GRID2: variants seen among roughly 807,000 people sequenced by gnomAD.
The protein encoded by GRID2 is glutamate receptor ionotropic, delta-2.
In GRID2, 33 loss-of-function variants were observed where a neutral mutation model predicts 114.8. That is an observed-to-expected ratio of 0.29 (90% CI 0.22 to 0.38). The LOEUF is 0.38. Ranked by LOEUF, GRID2 falls within the 10% of genes least tolerant of loss-of-function variation. The probability of loss-of-function intolerance (pLI) is 1.00; values close to 1 mark genes in which losing one functional copy is unlikely to be tolerated. For missense variants in GRID2, 1,184 were observed against 1,257.7 expected (o/e 0.94, Z 0.89); for synonymous variants, 505 against 449.9 (o/e 1.12, Z -1.55).
At chr4:93,591,899 G>T (rs1738373907) in intron 13 of GRID2, among the ~76,000 whole-genome samples, 1 of 152,072 alleles carries the variant, frequency 6.6e-6, no homozygotes, top group South Asian at 2.1e-4. Context: ...GATCGGTGGT[G>T]ATATCCCCTT....
chr4:92,347,542 G>A (rs1414532375), intron 1 of GRID2, among the ~76,000 whole-genome samples: 1 of 152,152 alleles, frequency 6.6e-6, no homozygotes, highest in African/African-American at 2.4e-5. Context: ...TAGGTTGACA[G>A]AACCATTAAT....
chr4:93,738,833 A>G (rs1578703549), intron 14 of GRID2, among the ~76,000 whole-genome samples: 1 of 152,264 alleles, frequency 6.6e-6, no homozygotes, highest in Admixed American at 6.5e-5. Context: ...TTATTTAGAA[A>G]GAGAGTAGAA....
At chr4:92,847,085 C>CT (rs1743380715) in intron 2 of GRID2, among the ~76,000 whole-genome samples, 2 of 152,016 alleles carry the variant, frequency 1.3e-5, no homozygotes, top group Non-Finnish European at 2.9e-5. Flanking sequence ...CAAGTCAATC[C>CT]ATGGCCATTT....
intron 1 of GRID2, among the ~76,000 whole-genome samples, chr4:92,469,648 C>T (rs1462225471): frequency 2.6e-5 from 4 of 151,044 alleles, no homozygotes; most frequent in East Asian, 1.9e-4. Context: ...TAACCGATAT[C>T]GGATCAAAAA....
At chr4:93,393,267 A>G (rs1765020791) in intron 8 of GRID2, among the ~76,000 whole-genome samples, 4 of 151,916 alleles carry the variant, frequency 2.6e-5, no homozygotes, top group Non-Finnish European at 4.4e-5. Context: ...AATGGAACTT[A>G]CCAATCCTAA....
chr4:92,451,234 A>G (rs1430876418), intron 1 of GRID2, among the ~76,000 whole-genome samples: 1 of 152,136 alleles, frequency 6.6e-6, no homozygotes, highest in African/African-American at 2.4e-5. Context: ...ATAATTGGAG[A>G]ATACGTGTTT....
chr4:93,726,201 A>G (rs1341650008), intron 14 of GRID2, among the ~76,000 whole-genome samples: 1 of 152,214 alleles, frequency 6.6e-6, no homozygotes, highest in East Asian at 1.9e-4. Context: ...CTTTCTACAT[A>G]TGGCTAGCCA....
At chr4:93,031,949 CT>C (rs1265585718) in intron 2 of GRID2, among the ~76,000 whole-genome samples, 1 of 152,072 alleles carries the variant, frequency 6.6e-6, no homozygotes. Context: ...GTATCTCAAT[CT>C]AGCCATACTT....
At chr4:92,698,107 TAAC>T (rs1734506023) in intron 2 of GRID2, among the ~76,000 whole-genome samples, 1 of 152,138 alleles carries the variant, frequency 6.6e-6, no homozygotes, top group East Asian at 1.9e-4. Flanking sequence ...ACGACAGAGA[TAAC>T]AACTGTGTGA....
At chr4:92,375,162 GTTGT>G (rs991070819) in intron 1 of GRID2, among the ~76,000 whole-genome samples, 17 of 152,138 alleles carry the variant, frequency 1.1e-4, no homozygotes, top group Admixed American at 2.0e-4. Context: ...CAGAAAGGAT[GTTGT>G]TTAAGTATAA....
At chr4:92,552,324 C>T (rs572686193) in intron 1 of GRID2, among the ~76,000 whole-genome samples, 39 of 150,630 alleles carry the variant, frequency 2.6e-4, no homozygotes, top group African/African-American at 8.8e-4. Flanking sequence ...ATTAGCACAA[C>T]AGCCAAAAAT....
intron 2 of GRID2, among the ~76,000 whole-genome samples, chr4:92,989,300 A>T (rs142467423): frequency 0.22 from 20,148 of 90,776 alleles, 2,182 homozygotes; most frequent in African/African-American, 0.27. Context: ...AAAAAAAAAA[A>T]AATAATAATA....
At chr4:92,908,143 G>T (rs114382262) in intron 2 of GRID2, among the ~76,000 whole-genome samples, 12 of 152,254 alleles carry the variant, frequency 7.9e-5, no homozygotes, top group Admixed American at 7.8e-4. Flanking sequence ...AGATCTTAAT[G>T]TAGGGACTAA....
chr4:92,838,715 GACTGTT>G (rs1464587654), intron 2 of GRID2: 2 of 151,968 alleles, frequency 1.3e-5, no homozygotes, highest in South Asian at 2.1e-4. Flanking sequence ...TAAAGCATTA[GACTGTT>G]ACTGTCTATA....
At chr4:92,373,879 T>C (rs989268573) in intron 1 of GRID2, among the ~76,000 whole-genome samples, 2 of 152,108 alleles carry the variant, frequency 1.3e-5, no homozygotes, top group Admixed American at 6.6e-5. Flanking sequence ...ATAGGGAAAT[T>C]AGGTGACATA....
intron 1 of GRID2, among the ~76,000 whole-genome samples, chr4:92,319,280 ATAT>A (rs1052089205): frequency 8.5e-5 from 13 of 152,278 alleles, no homozygotes; most frequent in Admixed American, 7.8e-4. Flanking sequence ...TGATATTTTA[ATAT>A]TATGTGTCAT....
Position 92,609,688 on chromosome 4 carries a change from C to A in GRID2, c.244+19402C>A, listed in dbSNP as rs1315439198. Among the ~76,000 whole-genome samples, 3 of 151,214 alleles carry A rather than the reference C, an allele frequency of 2.0e-5. No individual in the cohort carries two copies. In the East Asian group the frequency reaches 5.9e-4, roughly 30 times the overall value. ...CTTTCTTCTCGTGACCACATTAGTA[C>A]CTTATTTCCATTTATCATGTAACTG... On this transcript the variant is annotated intron_variant, in intron 2 of 15. Coordinates refer to ENST00000282020, the MANE Select transcript of GRID2 (RefSeq NM_001510.4).
At chr4:92,329,551 T>C (rs2110140746) in intron 1 of GRID2, among the ~76,000 whole-genome samples, 1 of 152,190 alleles carries the variant, frequency 6.6e-6, no homozygotes, top group East Asian at 1.9e-4. Flanking sequence ...TCTCATCCTG[T>C]CTACTTTATA....
At chr4:93,329,322 A>G (rs1314740903) in intron 8 of GRID2, among the ~76,000 whole-genome samples, 1 of 152,158 alleles carries the variant, frequency 6.6e-6, no homozygotes, top group African/African-American at 2.4e-5. Context: ...TTGAATTTAT[A>G]TCAGTAAACA....
Sources: gnomAD v4.1 joint callset for allele counts (sites outside exome capture counted in the v4.1 genomes callset) on GRCh38, gnomAD v4.1.1 for gene constraint, MANE v1.5 for transcripts, NCBI Gene and HGNC (gene_info 2026-07-23, HGNC 2026-07-21) for gene names.